Variants in RAB4A observed in about 807,000 individuals in gnomAD.
RAB4A encodes ras-related protein Rab-4A.
A neutral mutation model predicts 34.5 loss-of-function variants in RAB4A; 20 were observed. That is an observed-to-expected ratio of 0.58 (90% confidence interval 0.41 to 0.84). The LOEUF (loss-of-function observed/expected upper bound fraction) is 0.84, where lower values mean the gene tolerates loss of function less well. RAB4A is among the 40% of genes least tolerant of loss of function. The pLI, the probability that RAB4A is intolerant of heterozygous loss-of-function variation, is 0.00. For synonymous variants in RAB4A, 102 were observed against 100.0 expected (o/e 1.02, Z -0.12); for missense variants, 228 against 274.5 (o/e 0.83, Z 1.20).
chr1:229,297,158 C>T (rs1399412365), intron 4 of RAB4A, among the ~76,000 whole-genome samples: 3 of 152,224 alleles, frequency 2.0e-5, no homozygotes, highest in Non-Finnish European at 2.9e-5. Flanking sequence ...TCTTGCCTAC[C>T]AGAGTCTAGT....
chr1:229,305,144 A>T lies in RAB4A; in HGVS notation c.*1351A>T, dbSNP rs1657518207. On this transcript the variant is annotated 3_prime_UTR_variant, in exon 8 of 8. Coordinates refer to ENST00000366690, the MANE Select transcript of RAB4A (RefSeq NM_004578.4). ...ATAAAAACTCTGGGAAATGACTAGG[A>T]TAAAAATATCAGTATGTATCTGTTT... 2 of 1,590,074 alleles carry T rather than the reference A, an allele frequency of 1.3e-6. No individual in the cohort carries two copies. Among genetic ancestry groups the T allele is most frequent in the East Asian group, 4.5e-5 (2 of 44,008 alleles).
intron 7 of RAB4A, 141 bp downstream of exon 7, chr1:229,303,130 G>A: frequency 3.3e-6 from 2 of 604,528 alleles, no homozygotes; most frequent in South Asian, 4.0e-5. Flanking sequence ...TTGGGAGGCT[G>A]AGGTGGGCCA....
In RAB4A at chr1:229,281,638, A is replaced by C. The variant is rs77545363; in HGVS notation, c.32-4848A>C. Among the ~76,000 whole-genome samples the C allele has an allele frequency of 1.6e-3, 246 of 151,874 alleles. 4 individuals carry two copies. The East Asian group carries it at 0.045, about 28-fold the overall frequency. On this transcript the variant is annotated intron_variant, in intron 1 of 7. Coordinates refer to ENST00000366690, the MANE Select transcript of RAB4A (RefSeq NM_004578.4). ...TCCATTTACATTATTGTAATTATTG[A>C]TATTGTATGACTCAGGTTTGCCATT...
chr1:229,299,577 TG>T (rs1657330311), intron 6 of RAB4A, among the ~76,000 whole-genome samples: 2 of 152,232 alleles, frequency 1.3e-5, no homozygotes, highest in African/African-American at 2.4e-5. Context: ...GCCTCATTTT[TG>T]TATTTGCTTA....
intron 3 of RAB4A, among the ~76,000 whole-genome samples, chr1:229,291,391 C>T (rs965128121): frequency 4.6e-5 from 7 of 152,134 alleles, no homozygotes; most frequent in African/African-American, 1.7e-4. Flanking sequence ...TGGCACAGGT[C>T]TAGAGGGACA....
intron 1 of RAB4A, among the ~76,000 whole-genome samples, chr1:229,273,220 C>T (rs983080434): frequency 6.6e-6 from 1 of 152,170 alleles, no homozygotes; most frequent in South Asian, 2.1e-4. Context: ...TTTTCGTATA[C>T]GCATGATAAC....
chr1:229,299,050 A>G lies in RAB4A; in HGVS notation c.519A>G (p.Lys173=). 6.2e-7 allele frequency: 1 copy of G among 1,604,594 alleles called. No homozygotes were observed. Among genetic ancestry groups the G allele is most frequent in the East Asian group, 2.2e-5 (1 of 44,756 alleles). Residue 173 remains lysine (K), a synonymous_variant, in exon 6 of 8, where the codon AAA becomes AAG. Transcript: ENST00000366690. ...VEEAFVQCAR[K]ILNKIESGEL... is the part of the protein sequence containing the mutation. ...AGGCTTTTGTACAGTGTGCAAGAAA[A>G]ATACTTAACAAAATCGAATCAGGTA...
chr1:229,300,664 G>T (rs1427113062), intron 6 of RAB4A, among the ~76,000 whole-genome samples: 2 of 152,164 alleles, frequency 1.3e-5, no homozygotes, highest in East Asian at 3.9e-4. Flanking sequence ...AGTAAAGATG[G>T]CTCTGTTGCA....
chr1:229,274,856 C>T (rs954578314), intron 1 of RAB4A, among the ~76,000 whole-genome samples: 6 of 152,112 alleles, frequency 3.9e-5, no homozygotes, highest in Non-Finnish European at 7.3e-5. Flanking sequence ...GAGTTTATGC[C>T]GTCTACAATG....
chr1:229,302,274 TATATATATATA>T (rs1657406274), intron 6 of RAB4A, among the ~76,000 whole-genome samples: 1 of 14,712 alleles, frequency 6.8e-5, no homozygotes, highest in African/African-American at 2.8e-4. Flanking sequence ...TATATATATA[TATATATATATA>T]TATATATATA....
chr1:229,298,243 C>CT, intron 5 of RAB4A, among the ~76,000 whole-genome samples: 1 of 152,266 alleles, frequency 6.6e-6, no homozygotes, highest in Middle Eastern at 3.4e-3. Flanking sequence ...TATTTGGACT[C>CT]TAAGATTCCA....
chr1:229,286,529 C>A lies in RAB4A; in HGVS notation c.75C>A (p.Gly25=). The A allele has an allele frequency of 6.3e-7, 1 of 1,581,166 alleles. No homozygotes were observed. Among genetic ancestry groups the A allele is most frequent in the East Asian group, 2.3e-5 (1 of 43,294 alleles). The change falls in exon 2 of 8, where the codon GGC becomes GGA. Residue 25 remains glycine, a synonymous_variant. Transcript: ENST00000366690. ...KFLVIGNAGT[G]KSCLLHQFIE... is the part of the protein sequence containing the mutation. ...TGGTTATTGGAAATGCAGGAACTGG[C>A]AAATCTTGCTTACTTCATCAGTTTA...
At position 229,286,496 on chromosome 1, in the gene RAB4A, T is replaced by G; in HGVS notation, c.42T>G (p.Phe14Leu). ...CTTTTTATCTTTCAGATTTTTTGTT[T>G]AAGTTCTTGGTTATTGGAAATGCAG... ...TAMSETYDFLFKFLVIGNAGT... is the reference protein window; with the variant it reads ...TAMSETYDFLLKFLVIGNAGT... Residue 14 changes from phenylalanine to leucine, a missense_variant, in exon 2 of 8, where the codon TTT becomes TTG. Coordinates refer to ENST00000366690, the MANE Select transcript of RAB4A (RefSeq NM_004578.4). 1 of 1,574,924 alleles carries G rather than the reference T, an allele frequency of 6.3e-7. No homozygotes were observed. Among genetic ancestry groups the G allele is most frequent in the African/African-American group, 1.4e-5 (1 of 73,168 alleles).
chr1:229,287,388 T>G (rs1053470504), intron 2 of RAB4A, among the ~76,000 whole-genome samples: 1 of 152,228 alleles, frequency 6.6e-6, no homozygotes, highest in Non-Finnish European at 1.5e-5. Context: ...CCTGTTTGTT[T>G]AGTGACATGG....
At chr1:229,281,816 T>TTATATATATATATATA (rs61184911) in intron 1 of RAB4A, among the ~76,000 whole-genome samples, 8 of 140,400 alleles carry the variant, frequency 5.7e-5, no homozygotes, top group African/African-American at 2.1e-4. Context: ...CTTATCATAG[T>TTATATATATATATATA]TATATATATA....
chr1:229,278,698 C>T (rs927792877), intron 1 of RAB4A, among the ~76,000 whole-genome samples: 2 of 152,186 alleles, frequency 1.3e-5, no homozygotes, highest in Admixed American at 6.5e-5. Context: ...CCTGACTTTG[C>T]GCCTTCCTCC....
At chr1:229,297,683 G>T in intron 5 of RAB4A, 47 bp downstream of exon 5, 3 of 1,466,096 alleles carry the variant, frequency 2.0e-6, no homozygotes, top group African/African-American at 1.4e-5. Flanking sequence ...GCATATTTGA[G>T]GATAATAGCA....
Position 229,305,172 on chromosome 1 carries a change from G to C in RAB4A, c.*1379G>C. 6.2e-7 allele frequency: 1 copy of C among 1,604,086 alleles called. No individual in the cohort carries two copies. The highest frequency in any genetic ancestry group is 1.1e-5 in the South Asian group (1 of 88,140). On this transcript the variant is annotated 3_prime_UTR_variant, in exon 8 of 8. Transcript: ENST00000366690. ...AAAATATCAGTATGTATCTGTTTTAGATATTTTGAGTTTTGCTTTTTTTAT... is the reference window on the plus strand; with the variant it reads ...AAAATATCAGTATGTATCTGTTTTACATATTTTGAGTTTTGCTTTTTTTAT...
chr1:229,282,577 A>G (rs1288157435), intron 1 of RAB4A, among the ~76,000 whole-genome samples: 1 of 152,096 alleles, frequency 6.6e-6, no homozygotes, highest in African/African-American at 2.4e-5. Flanking sequence ...TGAATGTTAG[A>G]TCTTTTTCAT....
Sources: allele counts gnomAD v4.1 joint callset (sites outside exome capture counted in the v4.1 genomes callset), GRCh38; gene constraint gnomAD v4.1.1; transcripts MANE v1.5; gene names NCBI Gene and HGNC (gene_info 2026-07-23, HGNC 2026-07-21).